The following GRIK1 variants were observed in gnomAD, a reference collection of about 807,000 sequenced individuals.
GRIK1 encodes glutamate receptor ionotropic, kainate 1.
GRIK1 carries 69 observed loss-of-function variants against 105.7 expected under a neutral mutation model. The observed-to-expected ratio is 0.65, with a 90% CI of 0.54 to 0.80. The LOEUF is 0.80. Ranked by LOEUF, GRIK1 falls within the 30% of genes least tolerant of loss-of-function variation. The pLI is 0.00. For missense variants in GRIK1, 1,109 were observed against 1,167.3 expected, an observed-to-expected ratio of 0.95 and a Z score of 0.73; for synonymous variants, 438 against 431.3, an observed-to-expected ratio of 1.02 and a Z score of -0.19.
intron 1 of GRIK1, among the ~76,000 whole-genome samples, chr21:29,717,064 C>A (rs1340141700): frequency 1.3e-5 from 2 of 152,220 alleles, no homozygotes; most frequent in Non-Finnish European, 2.9e-5. Context: ...GTGCAAGCCC[C>A]AAGCCTTGGT....
chr21:29,706,958 G>T (rs1845753445), intron 1 of GRIK1, among the ~76,000 whole-genome samples: 2 of 152,040 alleles, frequency 1.3e-5, no homozygotes. Context: ...TCCGCCTCCC[G>T]GGTTCACGCC....
At chr21:29,892,722 T>G (rs1379612393) in intron 1 of GRIK1, among the ~76,000 whole-genome samples, 1 of 152,220 alleles carries the variant, frequency 6.6e-6, no homozygotes, top group Non-Finnish European at 1.5e-5. Flanking sequence ...CTTAGAGAAA[T>G]CAGGATGAGT....
intron 1 of GRIK1, among the ~76,000 whole-genome samples, chr21:29,769,323 G>A (rs766839287): frequency 9.2e-5 from 14 of 152,094 alleles, no homozygotes; most frequent in East Asian, 7.7e-4. Context: ...AGACAGACGC[G>A]TACAGAGAGA....
chr21:29,699,328 C>T lies in GRIK1; in HGVS notation c.119-5265G>A, dbSNP rs118191313. On this transcript the variant is annotated intron_variant, in intron 1 of 17. Transcript: ENST00000327783. ...AAACAGTGACTAGGTTGCAATGAGG[C>T]GGCTAGGGTAGGCCTTAAACCACTC... 9.5e-3 allele frequency among the ~76,000 whole-genome samples: 1,448 copies of T among 152,214 alleles called. 11 individuals carry two copies. The highest frequency in any genetic ancestry group is 0.013 in the African/African-American group (528 of 41,530).
At chr21:29,738,575 A>G (rs1415782499) in intron 1 of GRIK1, among the ~76,000 whole-genome samples, 3 of 152,268 alleles carry the variant, frequency 2.0e-5, no homozygotes, top group Non-Finnish European at 4.4e-5. Context: ...GTATGGAAAC[A>G]ATAAATGATT....
At chr21:29,793,789 T>C (rs1461660567) in intron 1 of GRIK1, among the ~76,000 whole-genome samples, 1 of 152,222 alleles carries the variant, frequency 6.6e-6, no homozygotes, top group Admixed American at 6.5e-5. Context: ...ATTTTGCTTA[T>C]AGCGGTGCTC....
intron 12 of GRIK1, chr21:29,582,376 T>C (rs921764211): frequency 1.1e-5 from 5 of 468,372 alleles, no homozygotes; most frequent in Non-Finnish European, 2.2e-5. Flanking sequence ...TTCTATAGCA[T>C]TATTATAGGT....
chr21:29,576,258 A>G (rs2146236344), intron 14 of GRIK1, among the ~76,000 whole-genome samples: 1 of 152,352 alleles, frequency 6.6e-6, no homozygotes, highest in South Asian at 2.1e-4. Context: ...TTCCTCCAAA[A>G]GCGAGGCAGA....
chr21:29,930,802 A>AT lies in GRIK1; in HGVS notation c.118+8580dup, dbSNP rs1326839203. On this transcript the variant is annotated intron_variant, in intron 1 of 17. Coordinates refer to ENST00000327783, the MANE Select transcript of GRIK1 (RefSeq NM_001330994.2). ...TTATATAAAGCTTATTTCTTCAATGATTTTTTCAACATTAAATATTGTTGT... is the reference window on the plus strand; with the variant it reads ...TTATATAAAGCTTATTTCTTCAATGATTTTTTTCAACATTAAATATTGTTGT... Among the ~76,000 whole-genome samples, 4 of 152,270 alleles carry AT rather than the reference A, an allele frequency of 2.6e-5. No individual in the cohort carries two copies. The East Asian group carries it at 5.8e-4, about 22-fold the overall frequency.
At chr21:29,892,416 T>G (rs1258879540) in intron 1 of GRIK1, among the ~76,000 whole-genome samples, 1 of 152,182 alleles carries the variant, frequency 6.6e-6, no homozygotes, top group African/African-American at 2.4e-5. Context: ...GAGGGAAGAA[T>G]AATTGGGAGA....
At chr21:29,710,416 C>T (rs2064015949) in intron 1 of GRIK1, among the ~76,000 whole-genome samples, 2 of 123,102 alleles carry the variant, frequency 1.6e-5, no homozygotes, top group African/African-American at 8.4e-5. Flanking sequence ...CTATCCTGTC[C>T]TGGAAAAGTG....
At chr21:29,773,244 G>T (rs1323974822) in intron 1 of GRIK1, among the ~76,000 whole-genome samples, 1 of 152,174 alleles carries the variant, frequency 6.6e-6, no homozygotes, top group African/African-American at 2.4e-5. Flanking sequence ...CAAGCGAGAG[G>T]ACTGGGAGAA....
intron 1 of GRIK1, among the ~76,000 whole-genome samples, chr21:29,769,189 G>C (rs994455877): frequency 2.0e-5 from 3 of 152,108 alleles, no homozygotes; most frequent in Non-Finnish European, 4.4e-5. Context: ...ATCAGAACCT[G>C]AGAACATGAC....
intron 1 of GRIK1, among the ~76,000 whole-genome samples, chr21:29,934,467 C>G (rs2071679116): frequency 6.6e-6 from 1 of 151,846 alleles, no homozygotes; most frequent in South Asian, 2.1e-4. Context: ...CCAGCGCCCA[C>G]TGGAGTTTTC....
At chr21:29,879,016 G>A (rs1035002829) in intron 1 of GRIK1, among the ~76,000 whole-genome samples, 1 of 152,072 alleles carries the variant, frequency 6.6e-6, no homozygotes, top group Non-Finnish European at 1.5e-5. Context: ...ATAGCAGCTC[G>A]ATTAACTAAG....
intron 1 of GRIK1, among the ~76,000 whole-genome samples, chr21:29,757,603 A>G (rs1288129720): frequency 6.6e-6 from 1 of 152,152 alleles, no homozygotes; most frequent in Non-Finnish European, 1.5e-5. Context: ...TGAGGATAGC[A>G]TTATTTTTTT....
chr21:29,612,264 G>A (rs2061745793), intron 7 of GRIK1, among the ~76,000 whole-genome samples: 2 of 152,168 alleles, frequency 1.3e-5, no homozygotes, highest in Admixed American at 6.5e-5. Context: ...TGCTAGCAAT[G>A]CCTTTCACAG....
In GRIK1 at chr21:29,665,690, G is replaced by T. The variant is rs376956909; in HGVS notation, c.726+7293C>A. ...AAGCTCAGAGCTGATGGAAATATTA[G>T]CAAGCTTTGATAATTTTGTTTACAG... On this transcript the variant is annotated intron_variant, in intron 4 of 17. Coordinates refer to ENST00000327783, the MANE Select transcript of GRIK1 (RefSeq NM_001330994.2). Among the ~76,000 whole-genome samples the T allele has an allele frequency of 7.9e-5, 12 of 152,360 alleles. No individual in the cohort carries two copies. In the South Asian group the frequency reaches 2.5e-3, roughly 32 times the overall value.
chr21:29,785,561 CAA>C (rs950219193), intron 1 of GRIK1, among the ~76,000 whole-genome samples: 1,575 of 57,942 alleles, frequency 0.027, 13 homozygotes, highest in African/African-American at 0.083. Context: ...GAGACTGTCT[CAA>C]AAAAAAAAAA....
Sources: allele counts gnomAD v4.1 joint callset (sites outside exome capture counted in the v4.1 genomes callset), GRCh38; gene constraint gnomAD v4.1.1; transcripts MANE v1.5; gene names NCBI Gene and HGNC (gene_info 2026-07-23, HGNC 2026-07-21).